COL26A1: variants seen among roughly 807,000 people sequenced by gnomAD.
The protein encoded by COL26A1 is collagen type XXVI alpha 1 chain.
In COL26A1, 41 loss-of-function variants were observed where a neutral mutation model predicts 59.3. That is an observed-to-expected ratio of 0.69 (90% CI 0.54 to 0.90). The LOEUF (loss-of-function observed/expected upper bound fraction) is 0.90. Ranked by LOEUF, COL26A1 falls within the 40% of genes least tolerant of loss-of-function variation. The pLI, the probability that COL26A1 is intolerant of heterozygous loss-of-function variation, is 0.00. For missense variants in COL26A1, 612 were observed against 602.3 expected, an observed-to-expected ratio of 1.02 and a Z score of -0.17; for synonymous variants, 266 against 256.0, an observed-to-expected ratio of 1.04 and a Z score of -0.37.
At chr7:101,412,687 C>T (rs1424285636) in intron 1 of COL26A1, among the ~76,000 whole-genome samples, 2 of 150,412 alleles carry the variant, frequency 1.3e-5, no homozygotes, top group East Asian at 3.9e-4. Context: ...GATATGAGTG[C>T]AGCCCTGCCT....
intron 1 of COL26A1, among the ~76,000 whole-genome samples, chr7:101,412,925 G>A (rs1792276744): frequency 6.6e-6 from 1 of 152,220 alleles, no homozygotes; most frequent in South Asian, 2.1e-4. Flanking sequence ...TGCTTCAGCA[G>A]CATCTCTTAG....
At chr7:101,520,042 C>T (rs975900777) in intron 3 of COL26A1, among the ~76,000 whole-genome samples, 1 of 152,150 alleles carries the variant, frequency 6.6e-6, no homozygotes, top group Non-Finnish European at 1.5e-5. Context: ...GGCAATAATC[C>T]CCTGGTCTAT....
intron 1 of COL26A1, among the ~76,000 whole-genome samples, chr7:101,410,263 T>C (rs1439279599): frequency 7.2e-5 from 11 of 152,160 alleles, no homozygotes; most frequent in African/African-American, 2.4e-5. Flanking sequence ...CTAAAAAGTA[T>C]TGCAAAGACC....
At chr7:101,395,786 C>G (rs112203654) in intron 1 of COL26A1, among the ~76,000 whole-genome samples, 1 of 152,110 alleles carries the variant, frequency 6.6e-6, no homozygotes, top group Non-Finnish European at 1.5e-5. Context: ...CTTTAATCAC[C>G]GCTGAAAACA....
chr7:101,369,655 T>C (rs76786356), intron 1 of COL26A1, among the ~76,000 whole-genome samples: 3,483 of 151,536 alleles, frequency 0.023, 150 homozygotes, highest in African/African-American at 0.079. Flanking sequence ...TGCATCCATT[T>C]TTATGGGTCT....
At chr7:101,480,152 G>C (rs1218777617) in intron 3 of COL26A1, among the ~76,000 whole-genome samples, 1 of 152,050 alleles carries the variant, frequency 6.6e-6, no homozygotes, top group Non-Finnish European at 1.5e-5. Flanking sequence ...AGTTCTTTCA[G>C]ATAATATCCT....
intron 3 of COL26A1, among the ~76,000 whole-genome samples, chr7:101,487,423 C>G (rs181821649): frequency 6.6e-6 from 1 of 152,162 alleles, no homozygotes; most frequent in Non-Finnish European, 1.5e-5. Flanking sequence ...AGCCAGCATG[C>G]CTCCTCTGCC....
chr7:101,458,693 T>A (rs1257216150), intron 3 of COL26A1, among the ~76,000 whole-genome samples: 1 of 152,166 alleles, frequency 6.6e-6, no homozygotes, highest in African/African-American at 2.4e-5. Context: ...GAAAGTGTTT[T>A]CAGTTTGTTG....
chr7:101,550,087 G>C (rs887239468), intron 9 of COL26A1, among the ~76,000 whole-genome samples: 1 of 152,214 alleles, frequency 6.6e-6, no homozygotes, highest in African/African-American at 2.4e-5. Flanking sequence ...CGGGTCCCAG[G>C]TGTGGGCTTT....
At chr7:101,488,113 A>G (rs1477999258) in intron 3 of COL26A1, among the ~76,000 whole-genome samples, 1 of 52,798 alleles carries the variant, frequency 1.9e-5, no homozygotes, top group Non-Finnish European at 3.9e-5. Flanking sequence ...ATCTCTACTG[A>G]AAAAAAAACA....
At chr7:101,556,005 C>T in intron 12 of COL26A1, 134 bp downstream of exon 12, 1 of 688,400 alleles carries the variant, frequency 1.5e-6, no homozygotes, top group African/African-American at 1.8e-5. Context: ...CCCTCCCCTG[C>T]TCAAGGACCC....
intron 1 of COL26A1, among the ~76,000 whole-genome samples, chr7:101,396,914 A>T (rs964733605): frequency 3.9e-5 from 6 of 152,140 alleles, no homozygotes; most frequent in Non-Finnish European, 7.4e-5. Flanking sequence ...GGGGCTCCAC[A>T]TCTTGTGGCT....
chr7:101,387,746 ATATATATT>A (rs202010068), intron 1 of COL26A1, among the ~76,000 whole-genome samples: 93 of 100,054 alleles, frequency 9.3e-4, no homozygotes, highest in African/African-American at 2.5e-3. Flanking sequence ...TTATATATAT[ATATATATT>A]TATATATATA....
At chr7:101,412,506 G>A (rs1051952076) in intron 1 of COL26A1, among the ~76,000 whole-genome samples, 19 of 152,016 alleles carry the variant, frequency 1.2e-4, no homozygotes, top group Non-Finnish European at 2.4e-4. Flanking sequence ...TTAGCCAGGC[G>A]TGGTGGTGTG....
At chr7:101,363,463 G>T (rs1217830119) in intron 1 of COL26A1, among the ~76,000 whole-genome samples, 1 of 142,032 alleles carries the variant, frequency 7.0e-6, no homozygotes, top group Non-Finnish European at 1.5e-5. Flanking sequence ...CGAAATGGCG[G>T]TGGCTGGGGG....
chr7:101,467,347 C>T (rs1440636209), intron 3 of COL26A1, among the ~76,000 whole-genome samples: 1 of 131,480 alleles, frequency 7.6e-6, no homozygotes, highest in South Asian at 2.3e-4. Context: ...GGTTTCATGG[C>T]GAAATGCACA....
chr7:101,413,970 C>T (rs1423457216), intron 1 of COL26A1, among the ~76,000 whole-genome samples: 5 of 152,166 alleles, frequency 3.3e-5, no homozygotes, highest in Non-Finnish European at 4.4e-5. Context: ...CGCAGGTGGG[C>T]GGTGGCAGGA....
upstream of COL26A1, chr7:101,362,687 C>T (rs1452025886): frequency 5.4e-6 from 2 of 368,382 alleles, no homozygotes; most frequent in African/African-American, 2.2e-5. Context: ...GGGGCCTGGG[C>T]GCGAGGTCTG....
intron 3 of COL26A1, among the ~76,000 whole-genome samples, chr7:101,458,900 C>T (rs773863859): frequency 1.3e-5 from 2 of 150,564 alleles, no homozygotes; most frequent in Admixed American, 1.3e-4. Context: ...CTCCTGGGCT[C>T]GAGCAATCCT....
Sources: gnomAD v4.1 joint callset for allele counts (sites outside exome capture counted in the v4.1 genomes callset) on GRCh38, gnomAD v4.1.1 for gene constraint, MANE v1.5 for transcripts, NCBI Gene and HGNC (gene_info 2026-07-23, HGNC 2026-07-21) for gene names.